AGBL1: variants seen among roughly 807,000 people sequenced by gnomAD.
The protein encoded by AGBL1 is AGBL carboxypeptidase 1.
Under a neutral mutation model 118.9 loss-of-function variants are expected in AGBL1, and 130 were observed. That is an observed-to-expected ratio of 1.09 (90% confidence interval 0.95 to 1.26). The LOEUF is 1.26. Ranked by LOEUF, AGBL1 falls within the 50% of genes most tolerant of loss-of-function variation. AGBL1 has a pLI of 0.00. For missense variants in AGBL1, 1,584 were observed against 1,298.1 expected (o/e 1.22, Z -3.38); for synonymous variants, 555 against 478.9 (o/e 1.16, Z -2.08).
rs961491080 is a variant in AGBL1, at chr15:86,474,216, C to T, written c.2556-48594C>T. 4.3e-4 allele frequency among the ~76,000 whole-genome samples: 65 copies of T among 152,192 alleles called. 1 individual carries two copies. The highest frequency in any genetic ancestry group is 2.4e-3 in the Admixed American group (37 of 15,290). Reference sequence around the variant, plus strand: ...CCGGGTTCATCTCACTGGGGCTTGTCGGACGGTGGGTGCAGGAGAGTGGAT... The same window carrying T: ...CCGGGTTCATCTCACTGGGGCTTGTTGGACGGTGGGTGCAGGAGAGTGGAT... On this transcript the variant is annotated intron_variant, in intron 18 of 22. Transcript: ENST00000614907.
chr15:86,171,237 T>G (rs2077410634), intron 5 of AGBL1, among the ~76,000 whole-genome samples: 1 of 152,166 alleles, frequency 6.6e-6, no homozygotes, highest in Non-Finnish European at 1.5e-5. Flanking sequence ...TGAGTAAATA[T>G]ATTTGATTTT....
chr15:86,731,126 C>T (rs756123735), intron 22 of AGBL1, among the ~76,000 whole-genome samples: 6 of 152,086 alleles, frequency 3.9e-5, no homozygotes, highest in Admixed American at 1.3e-4. Flanking sequence ...CCACTGCACC[C>T]GGCCTTATAT....
intron 1 of AGBL1, among the ~76,000 whole-genome samples, chr15:86,124,343 A>C (rs529689780): frequency 2.0e-5 from 3 of 151,478 alleles, no homozygotes; most frequent in Admixed American, 6.6e-5. Flanking sequence ...AAAAAAAAAA[A>C]AAAACAAAGA....
chr15:86,412,991 A>AGAAC (rs1174421476), intron 18 of AGBL1, among the ~76,000 whole-genome samples: 2 of 152,230 alleles, frequency 1.3e-5, no homozygotes, highest in African/African-American at 4.8e-5. Flanking sequence ...CAGGCCATTC[A>AGAAC]GAACACAGAT....
chr15:86,477,282 A>G (rs1029868042), intron 18 of AGBL1, among the ~76,000 whole-genome samples: 14 of 152,268 alleles, frequency 9.2e-5, no homozygotes, highest in African/African-American at 2.2e-4. Context: ...CAAAAAATCA[A>G]TGAATCCAGG....
intron 24 of AGBL1, among the ~76,000 whole-genome samples, chr15:87,025,131 G>T (rs1271116621): frequency 6.6e-6 from 1 of 152,038 alleles, no homozygotes. Context: ...CCTAGCCAGA[G>T]AAATTAGATA....
Position 86,661,702 on chromosome 15 carries a change from A to G in AGBL1, c.2995-12571A>G, listed in dbSNP as rs1196606682. On this transcript the variant is annotated intron_variant, in intron 21 of 22. Coordinates refer to ENST00000614907, the MANE Select transcript of AGBL1 (RefSeq NM_001386094.1). ...TAAAAGCCTTTTTGCTAGAGCAAGC[A>G]AACAGTCCCCAGATAAACTGGAGAT... Among the ~76,000 whole-genome samples the G allele has an allele frequency of 3.3e-5, 5 of 152,174 alleles. 1 individual carries two copies. The South Asian group carries it at 8.3e-4, about 25-fold the overall frequency.
At chr15:86,150,695 A>C (rs138921907) in intron 3 of AGBL1, among the ~76,000 whole-genome samples, 1 of 152,194 alleles carries the variant, frequency 6.6e-6, no homozygotes, top group Admixed American at 6.5e-5. Context: ...AGAGATACAA[A>C]GAGGAGCTTG....
intron 17 of AGBL1, among the ~76,000 whole-genome samples, chr15:86,381,410 A>C (rs1044718500): frequency 6.8e-6 from 1 of 146,630 alleles, no homozygotes. Context: ...GAGCTGATAC[A>C]CTTTTTTTTT....
At chr15:86,197,907 A>G (rs1191382241) in intron 5 of AGBL1, among the ~76,000 whole-genome samples, 1 of 152,074 alleles carries the variant, frequency 6.6e-6, no homozygotes, top group East Asian at 1.9e-4. Context: ...AAAAAAAAAA[A>G]AGGAAAGACT....
chr15:86,295,481 C>T (rs1303984939), intron 17 of AGBL1, 73 bp downstream of exon 17: 11 of 1,438,276 alleles, frequency 7.6e-6, no homozygotes, highest in African/African-American at 1.5e-5. Context: ...AGCATTCTGT[C>T]TCTTTTAGAT....
intron 17 of AGBL1, among the ~76,000 whole-genome samples, chr15:86,298,272 T>C (rs547748249): frequency 8.8e-6 from 1 of 114,008 alleles, no homozygotes; most frequent in East Asian, 2.3e-4. Context: ...TATATATATA[T>C]ATATATATGG....
intron 1 of AGBL1, among the ~76,000 whole-genome samples, chr15:86,113,680 G>A (rs1897577832): frequency 6.6e-6 from 1 of 152,102 alleles, no homozygotes; most frequent in African/African-American, 2.4e-5. Context: ...AAAAGGCAAG[G>A]AAAGTTTCTT....
chr15:86,885,121 T>TTTAC (rs1044806218), intron 22 of AGBL1, among the ~76,000 whole-genome samples: 14 of 44,456 alleles, frequency 3.1e-4, no homozygotes, highest in African/African-American at 1.6e-3. Context: ...GTAAAATAAC[T>TTTAC]TTACATACAT....
intron 17 of AGBL1, among the ~76,000 whole-genome samples, chr15:86,338,468 G>T (rs893950112): frequency 2.0e-5 from 3 of 151,948 alleles, no homozygotes; most frequent in African/African-American, 7.3e-5. Flanking sequence ...AGAGTGATAC[G>T]TTATGTTTTA....
rs574241115 is a variant in AGBL1, at chr15:86,192,082, G to C, written c.489-32832G>C. 2.6e-4 allele frequency among the ~76,000 whole-genome samples: 40 copies of C among 151,640 alleles called. No individual in the cohort carries two copies. In the South Asian group the frequency reaches 6.7e-3, roughly 25 times the overall value. Reference sequence around the variant, plus strand: ...CCACTGTACTCTGTCCTGGGTGGCAGATGGAGATCCTGTCTCTCCCACTCC... The same window carrying C: ...CCACTGTACTCTGTCCTGGGTGGCACATGGAGATCCTGTCTCTCCCACTCC... On this transcript the variant is annotated intron_variant, in intron 5 of 22. Coordinates refer to ENST00000614907, the MANE Select transcript of AGBL1 (RefSeq NM_001386094.1).
intron 21 of AGBL1, among the ~76,000 whole-genome samples, chr15:86,598,957 A>C (rs1392250363): frequency 6.6e-6 from 1 of 152,092 alleles, no homozygotes; most frequent in Non-Finnish European, 1.5e-5. Flanking sequence ...GTGATTAGCC[A>C]TTTCTCAAGT....
intron 24 of AGBL1, among the ~76,000 whole-genome samples, chr15:87,021,400 A>G (rs576520370): frequency 6.6e-6 from 1 of 152,210 alleles, no homozygotes; most frequent in African/African-American, 2.4e-5. Context: ...ACCCTGAAAG[A>G]AAATCCAGGC....
Position 86,749,228 on chromosome 15 carries a change from C to A in AGBL1, c.3158+74792C>A, listed in dbSNP as rs148187034. Among the ~76,000 whole-genome samples, 1,347 of 152,186 alleles carry A rather than the reference C, an allele frequency of 8.9e-3. 22 individuals are homozygous for A. The highest frequency in any genetic ancestry group is 0.03 in the African/African-American group (1,239 of 41,504). ...TTCTCCTTGAAGAGGTCCTTCACATCCCTTGGAAGTTGGATTCCTAAGTAT... is the reference window on the plus strand; with the variant it reads ...TTCTCCTTGAAGAGGTCCTTCACATACCTTGGAAGTTGGATTCCTAAGTAT... On this transcript the variant is annotated intron_variant, in intron 22 of 22. Transcript: ENST00000614907.
Sources: allele counts gnomAD v4.1 joint callset (sites outside exome capture counted in the v4.1 genomes callset), GRCh38; gene constraint gnomAD v4.1.1; transcripts MANE v1.5; gene names NCBI Gene and HGNC (gene_info 2026-07-23, HGNC 2026-07-21).